Variants in SEL1L3 observed in about 807,000 individuals in gnomAD.
SEL1L3 encodes SEL1L family member 3.
A neutral mutation model predicts 142.8 loss-of-function variants in SEL1L3; 76 were observed. The observed-to-expected ratio is 0.53, with a 90% CI of 0.44 to 0.64. The LOEUF (loss-of-function observed/expected upper bound fraction) is 0.64, where lower values mean the gene tolerates loss of function less well. Ranked by LOEUF, SEL1L3 falls within the 30% of genes least tolerant of loss-of-function variation. SEL1L3 has a pLI of 0.00. For synonymous variants in SEL1L3, 504 were observed against 519.6 expected (o/e 0.97, Z 0.41); for missense variants, 1,262 against 1,381.7 (o/e 0.91, Z 1.37).
chr4:25,770,433 A>C (rs938738421), intron 17 of SEL1L3: 2 of 152,070 alleles, frequency 1.3e-5, no homozygotes, highest in Non-Finnish European at 2.9e-5. Context: ...GATCCATAGA[A>C]ACACTGAACA....
chr4:25,804,403 G>A lies in SEL1L3; in HGVS notation c.1776+138C>T, dbSNP rs1713407614. The A allele has an allele frequency of 3.6e-5, 24 of 668,146 alleles. 1 individual carries two copies. In the South Asian group the frequency reaches 4.2e-4, roughly 12 times the overall value. The allele number at this position is 668,146 out of a possible 1,614,324, so 41.4% of individuals were successfully genotyped here. A position where few individuals can be genotyped will look rare whatever the true frequency, so the allele number is the denominator to read the frequency against. The stretch of plus-strand genomic sequence containing the variant: ...GATCCTGTATTTAACACAGCCCCAG[G>A]ACATTTATCTTGAGTGTAAAGATTT... On this transcript the variant is annotated intron_variant, in intron 10 of 23. Coordinates refer to ENST00000399878, the MANE Select transcript of SEL1L3 (RefSeq NM_015187.5).
the SEL1L3 span, among the ~76,000 whole-genome samples, chr4:25,724,653 C>T: frequency 2.2e-5 from 3 of 134,940 alleles, no homozygotes; most frequent in Non-Finnish European, 3.1e-5. Flanking sequence ...AGGAGAATGG[C>T]GTGAACCCGG....
At chr4:25,755,930 T>TG in intron 23 of SEL1L3, 1 of 985,300 alleles carries the variant, frequency 1.0e-6, no homozygotes. Context: ...AATTTAAGGA[T>TG]GGGACAGAAT....
chr4:25,846,726 T>C (rs750581500), intron 2 of SEL1L3, among the ~76,000 whole-genome samples: 10 of 151,924 alleles, frequency 6.6e-5, no homozygotes, highest in Non-Finnish European at 8.8e-5. Flanking sequence ...CTGGCCAACA[T>C]GGTGAAACCC....
At chr4:25,822,859 C>T (rs532299097) in intron 6 of SEL1L3, among the ~76,000 whole-genome samples, 2 of 152,314 alleles carry the variant, frequency 1.3e-5, no homozygotes, top group South Asian at 2.1e-4. Context: ...GGGAGAACCC[C>T]GGTGTCTGTC....
At chr4:25,780,141 C>T (rs991425944) in intron 15 of SEL1L3, among the ~76,000 whole-genome samples, 4 of 152,094 alleles carry the variant, frequency 2.6e-5, no homozygotes, top group African/African-American at 9.7e-5. Context: ...ACCTTGGAGT[C>T]ACCCCTGACT....
At chr4:25,723,828 A>T in the SEL1L3 span, among the ~76,000 whole-genome samples, 1 of 152,114 alleles carries the variant, frequency 6.6e-6, no homozygotes, top group African/African-American at 2.4e-5. Flanking sequence ...TGCAGCGGAG[A>T]TTCACCAATA....
At chr4:25,731,826 C>A in the SEL1L3 span, among the ~76,000 whole-genome samples, 1 of 152,030 alleles carries the variant, frequency 6.6e-6, no homozygotes, top group African/African-American at 2.4e-5. Flanking sequence ...TAATCCCAGC[C>A]CTTTGGGAGG....
intron 16 of SEL1L3, among the ~76,000 whole-genome samples, chr4:25,777,014 G>A (rs1719681754): frequency 6.7e-6 from 1 of 149,970 alleles, no homozygotes. Context: ...AATTAAAGAT[G>A]AAAATTTAAA....
At chr4:25,861,679 T>A (rs980511204) in intron 1 of SEL1L3, among the ~76,000 whole-genome samples, 1 of 151,964 alleles carries the variant, frequency 6.6e-6, no homozygotes, top group Non-Finnish European at 1.5e-5. Context: ...TACATCAGTT[T>A]CATGATTCAG....
the SEL1L3 span, among the ~76,000 whole-genome samples, chr4:25,731,853 ACCTCAGGTCAGGGGTTTGAAACCAGCC>A: frequency 6.6e-6 from 1 of 152,078 alleles, no homozygotes; most frequent in Non-Finnish European, 1.5e-5. Flanking sequence ...CAGGTGGATC[ACCTCAGGTCAGGGGTTTGAAACCAGCC>A]TGCCCAACAT....
chr4:25,795,879 C>T (rs758336552), intron 11 of SEL1L3, among the ~76,000 whole-genome samples: 2 of 151,188 alleles, frequency 1.3e-5, no homozygotes, highest in Admixed American at 6.6e-5. Flanking sequence ...TTCATTCAAA[C>T]AGTTTTGTGG....
At chr4:25,807,356 G>A (rs904035246) in intron 9 of SEL1L3, among the ~76,000 whole-genome samples, 45 of 152,212 alleles carry the variant, frequency 3.0e-4, no homozygotes, top group African/African-American at 9.9e-4. Flanking sequence ...AGCAGCCTGC[G>A]GAATCTTGTC....
chr4:25,717,439 G>C, the SEL1L3 span, among the ~76,000 whole-genome samples: 1 of 152,134 alleles, frequency 6.6e-6, no homozygotes, highest in Admixed American at 6.5e-5. Flanking sequence ...GCTGAGGCAA[G>C]TGGATGACCT....
chr4:25,862,329 C>G (rs1228896052), intron 1 of SEL1L3, among the ~76,000 whole-genome samples: 2 of 148,322 alleles, frequency 1.3e-5, no homozygotes, highest in South Asian at 2.2e-4. Context: ...GTGCTGGAGA[C>G]TGCGCGCGGC....
At chr4:25,717,120 C>T in the SEL1L3 span, among the ~76,000 whole-genome samples, 1 of 151,998 alleles carries the variant, frequency 6.6e-6, no homozygotes, top group African/African-American at 2.4e-5. Flanking sequence ...GAGTGAGACC[C>T]TGTCTTGAAA....
chr4:25,780,823 T>A (rs201591938), intron 15 of SEL1L3, among the ~76,000 whole-genome samples: 24 of 114,194 alleles, frequency 2.1e-4, no homozygotes, highest in African/African-American at 5.8e-4. Flanking sequence ...ATATATATAT[T>A]TTATATATAT....
At chr4:25,831,053 T>C (rs1715405782) in intron 5 of SEL1L3, among the ~76,000 whole-genome samples, 1 of 152,190 alleles carries the variant, frequency 6.6e-6, no homozygotes, top group South Asian at 2.1e-4. Flanking sequence ...GGCTAAAGTC[T>C]ACACACACCA....
At chr4:25,847,024 A>G (rs1294570170) in intron 2 of SEL1L3, among the ~76,000 whole-genome samples, 1 of 152,002 alleles carries the variant, frequency 6.6e-6, no homozygotes, top group Non-Finnish European at 1.5e-5. Flanking sequence ...TCCAGCTTAA[A>G]GCAGATCTAA....
Sources: gnomAD v4.1 joint callset for allele counts (sites outside exome capture counted in the v4.1 genomes callset) on GRCh38, gnomAD v4.1.1 for gene constraint, MANE v1.5 for transcripts, NCBI Gene and HGNC (gene_info 2026-07-23, HGNC 2026-07-21) for gene names.